The following MN1 variants were observed in gnomAD, a reference collection of about 807,000 sequenced individuals.
MN1 encodes transcriptional activator MN1.
A neutral mutation model predicts 86.9 loss-of-function variants in MN1; 19 were observed. The observed-to-expected ratio is 0.22, with a 90% CI of 0.15 to 0.32. The LOEUF is 0.32. MN1 is among the 10% of genes least tolerant of loss of function. MN1 has a pLI of 1.00. For synonymous variants in MN1, 928 were observed against 849.6 expected (o/e 1.09, Z -1.60); for missense variants, 1,841 against 1,862.0 (o/e 0.99, Z 0.21).
At chr22:27,759,332 G>T (rs1932820125) in intron 1 of MN1, among the ~76,000 whole-genome samples, 1 of 151,210 alleles carries the variant, frequency 6.6e-6, no homozygotes, top group South Asian at 2.1e-4. Flanking sequence ...GATAGATGGG[G>T]CCTGGGAAAC....
intron 1 of MN1, among the ~76,000 whole-genome samples, chr22:27,789,122 C>T (rs200196857): frequency 4.6e-5 from 7 of 152,188 alleles, no homozygotes; most frequent in South Asian, 2.1e-4. Flanking sequence ...AGTTAGTCCA[C>T]GTTTCCTCCA....
At chr22:27,778,368 C>T (rs1933006830) in intron 1 of MN1, among the ~76,000 whole-genome samples, 1 of 152,220 alleles carries the variant, frequency 6.6e-6, no homozygotes, top group African/African-American at 2.4e-5. Flanking sequence ...CCAAGACCAC[C>T]CTCCTAAATT....
At chr22:27,762,603 CAA>C (rs1932841945) in intron 1 of MN1, among the ~76,000 whole-genome samples, 1 of 152,052 alleles carries the variant, frequency 6.6e-6, no homozygotes, top group African/African-American at 2.4e-5. Context: ...CCTTCTTGCC[CAA>C]GATTCACCCA....
At position 27,797,194 on chromosome 22, in the gene MN1, C is replaced by T. The variant is rs758891220; in HGVS notation, c.3350G>A (p.Ser1117Asn). Reference sequence around the variant, plus strand: ...GCCCGGGCCCCCACCGCCGCCGTAGCTGTCAGGGGTCGAGGTAGAGTTAGA... The same window carrying T: ...GCCCGGGCCCCCACCGCCGCCGTAGTTGTCAGGGGTCGAGGTAGAGTTAGA... ...IMSNSTSTPD[S>N]YGGGGGPGHP... Residue 1117 changes from serine (S) to asparagine (N), a missense_variant, in exon 1 of 2, where the codon AGC (serine) becomes AAC (asparagine). Ser to Asn is a conservative substitution (Grantham distance 46). Coordinates refer to ENST00000302326, the MANE Select transcript of MN1 (RefSeq NM_002430.3). 2.0e-5 allele frequency: 31 copies of T among 1,559,078 alleles called. No individual in the cohort carries two copies. The South Asian group carries it at 2.7e-4, about 13-fold the overall frequency.
chr22:27,757,409 T>C (rs1325256478), intron 1 of MN1, among the ~76,000 whole-genome samples: 1 of 152,174 alleles, frequency 6.6e-6, no homozygotes, highest in African/African-American at 2.4e-5. Context: ...CATGGGGCAG[T>C]TTCTTCATCC....
chr22:27,752,342 T>C (rs150752244), intron 1 of MN1, among the ~76,000 whole-genome samples: 1 of 152,176 alleles, frequency 6.6e-6, no homozygotes, highest in Non-Finnish European at 1.5e-5. Flanking sequence ...AGACAGAGAA[T>C]CTGAGCTCCC....
chr22:27,754,494 A>G (rs112408896), intron 1 of MN1, among the ~76,000 whole-genome samples: 2,813 of 152,292 alleles, frequency 0.018, 98 homozygotes, highest in African/African-American at 0.064. Flanking sequence ...CTCCGCCTAG[A>G]ATGAGAAAGA....
In MN1 at chr22:27,797,979, C is replaced by T. The variant is rs1231723732; in HGVS notation, c.2565G>A (p.Glu855=). ...NVTFNKKNPP[E]GKRKLSQNET... ...CGTTCTGGCTCAGTTTCCTCTTGCC[C>T]TCTGGCGGGTTCTTCTTGTTGAAGG... Residue 855 remains glutamate, a synonymous_variant, in exon 1 of 2, where the codon GAG becomes GAA. Transcript: ENST00000302326. 3.1e-6 allele frequency: 5 copies of T among 1,592,608 alleles called. No homozygotes were observed. Among genetic ancestry groups the T allele is most frequent in the Non-Finnish European group, 4.3e-6 (5 of 1,170,978 alleles).
chr22:27,766,830 C>T (rs750258377), intron 1 of MN1, among the ~76,000 whole-genome samples: 13 of 152,248 alleles, frequency 8.5e-5, no homozygotes, highest in Admixed American at 3.9e-4. Context: ...CTCCTCGTCC[C>T]GAAGGCTTCA....
chr22:27,774,219 C>A (rs1932947799), intron 1 of MN1, among the ~76,000 whole-genome samples: 1 of 152,212 alleles, frequency 6.6e-6, no homozygotes, highest in Non-Finnish European at 1.5e-5. Context: ...CTATACTTCA[C>A]CGTCGTGAAC....
chr22:27,771,768 G>T (rs571258864), intron 1 of MN1, among the ~76,000 whole-genome samples: 19 of 152,244 alleles, frequency 1.2e-4, no homozygotes, highest in African/African-American at 4.6e-4. Context: ...AACAGAAAAA[G>T]TTTGCCAACT....
intron 1 of MN1, among the ~76,000 whole-genome samples, chr22:27,793,756 C>T (rs138120450): frequency 1.6e-3 from 249 of 152,284 alleles, no homozygotes; most frequent in African/African-American, 5.7e-3. Context: ...ACATCTCAAG[C>T]CCATAAGACA....
At chr22:27,779,263 C>T (rs575462213) in intron 1 of MN1, among the ~76,000 whole-genome samples, 37 of 152,296 alleles carry the variant, frequency 2.4e-4, no homozygotes, top group South Asian at 8.3e-4. Context: ...TACCGGCAGG[C>T]GCTTCCTCCT....
At chr22:27,766,796 C>G (rs1932873014) in intron 1 of MN1, among the ~76,000 whole-genome samples, 1 of 152,160 alleles carries the variant, frequency 6.6e-6, no homozygotes, top group Non-Finnish European at 1.5e-5. Context: ...TTTGGCCCTA[C>G]TGCCAAAGCC....
chr22:27,771,227 T>C (rs1252991927), intron 1 of MN1, among the ~76,000 whole-genome samples: 3 of 141,420 alleles, frequency 2.1e-5, no homozygotes, highest in Non-Finnish European at 4.6e-5. Context: ...AACTTTTTTT[T>C]TTTTTTTTTT....
chr22:27,748,798 C>T lies in MN1; in HGVS notation c.*2117G>A, dbSNP rs904631623. ...AATTGGCAAAGTGTTGATGACTCAA[C>T]GCTGGGAAAGTCAAAGACAGAAGTT... On this transcript the variant is annotated 3_prime_UTR_variant, in exon 2 of 2. Transcript: ENST00000302326. 4 of 223,834 alleles carry T rather than the reference C, an allele frequency of 1.8e-5. No homozygotes were observed. The highest frequency in any genetic ancestry group is 5.7e-5 in the Admixed American group (1 of 17,436). 13.9% of individuals were successfully genotyped at this position (223,834 alleles called of 1,614,324 possible).
chr22:27,798,555 C>T lies in MN1; in HGVS notation c.1989G>A (p.Leu663=). 6.6e-7 allele frequency: 1 copy of T among 1,520,226 alleles called. No individual in the cohort carries two copies. Among genetic ancestry groups the T allele is most frequent in the Non-Finnish European group, 8.7e-7 (1 of 1,144,216 alleles). The allele number at this position is 1,520,226 out of a possible 1,614,324, so 94.2% of individuals were successfully genotyped here. Residue 663 remains leucine, a synonymous_variant, in exon 1 of 2, where the codon CTG becomes CTA. Transcript: ENST00000302326. ...AGCCACCAGGCGGAGGAGGGGGCGC[C>T]AGGCTGGGGTCGTGCGGGCCACAGT... ...PADCGPHDPS[L]APPPPPGGSG... is the part of the protein sequence containing the mutation.
At chr22:27,761,221 TTC>T (rs3831688) in intron 1 of MN1, among the ~76,000 whole-genome samples, 13 of 148,838 alleles carry the variant, frequency 8.7e-5, no homozygotes, top group Admixed American at 2.0e-4. Context: ...CTCTCTCTCT[TTC>T]TCTCTCTCTC....
At position 27,799,015 on chromosome 22, in the gene MN1, G is replaced by T; in HGVS notation, c.1529C>A (p.Pro510Gln). 6.2e-7 allele frequency: 1 copy of T among 1,610,930 alleles called. No individual in the cohort carries two copies. The highest frequency in any genetic ancestry group is 8.5e-7 in the Non-Finnish European group (1 of 1,179,128). ...PPVPDSFPSG[P>Q]PLQHPAPDHQ... ...GTCCGGGGCCGGATGCTGCAGGGGC[G>T]GCCCCGAAGGGAAGCTGTCGGGCAC... is the stretch of plus-strand genomic sequence containing the variant. Residue 510 changes from proline to glutamine, a missense_variant, in exon 1 of 2, where the codon CCG becomes CAG. Coordinates refer to ENST00000302326, the MANE Select transcript of MN1 (RefSeq NM_002430.3).
Sources: allele counts gnomAD v4.1 joint callset (sites outside exome capture counted in the v4.1 genomes callset), GRCh38; gene constraint gnomAD v4.1.1; transcripts MANE v1.5; gene names NCBI Gene and HGNC (gene_info 2026-07-23, HGNC 2026-07-21).